Variants in OTOP1 observed in about 807,000 individuals in gnomAD.
OTOP1 encodes the protein otopetrin 1.
In OTOP1, 59 loss-of-function variants were observed where a neutral mutation model predicts 52.9. The ratio of observed to expected loss-of-function variants is 1.12; its 90% CI spans 0.91 to 1.39. The LOEUF is 1.39. OTOP1 is among the 40% of genes most tolerant of loss of function. The pLI, the probability that OTOP1 is intolerant of heterozygous loss-of-function variation, is 0.00. For missense variants in OTOP1, 761 were observed against 800.9 expected (o/e 0.95, Z 0.60); for synonymous variants, 317 against 337.7 (o/e 0.94, Z 0.67).
At chr4:4,193,436 C>T (rs566355574) in intron 5 of OTOP1, among the ~76,000 whole-genome samples, 19 of 152,320 alleles carry the variant, frequency 1.2e-4, no homozygotes, top group Middle Eastern at 3.4e-3. Context: ...GTGGAGCCCA[C>T]CCCACCTGGA....
intron 3 of OTOP1, among the ~76,000 whole-genome samples, 187 bp downstream of exon 3, chr4:4,205,885 G>A (rs1716895222): frequency 6.6e-6 from 1 of 152,144 alleles, no homozygotes; most frequent in African/African-American, 2.4e-5. Flanking sequence ...GCTACTTCTG[G>A]ACCTGTCCCA....
intron 1 of OTOP1, among the ~76,000 whole-genome samples, chr4:4,216,873 G>C (rs994579037): frequency 6.6e-6 from 1 of 152,194 alleles, no homozygotes; most frequent in Non-Finnish European, 1.5e-5. Context: ...GTCCACAGCA[G>C]TGGTTCTCAA....
rs569631806 is a variant in OTOP1, at chr4:4,207,160, C to G, written c.541-1030G>C. On this transcript the variant is annotated intron_variant, in intron 2 of 5. Coordinates refer to ENST00000296358, the MANE Select transcript of OTOP1 (RefSeq NM_177998.3). ...ACTGTCTTACTCAGGAATACACATT[C>G]AGGGCATTAACTGTCTTGAAACAAC... is the stretch of plus-strand genomic sequence containing the variant. 4.6e-5 allele frequency among the ~76,000 whole-genome samples: 7 copies of G among 151,824 alleles called. No individual in the cohort carries two copies. In the South Asian group the frequency reaches 8.4e-4, roughly 18 times the overall value.
intron 5 of OTOP1, among the ~76,000 whole-genome samples, chr4:4,193,845 C>T (rs899132455): frequency 6.6e-6 from 1 of 152,114 alleles, no homozygotes; most frequent in African/African-American, 2.4e-5. Flanking sequence ...ACCCAGTGGT[C>T]AACCAAAAAG....
At chr4:4,217,948 T>C (rs1717186090) in intron 1 of OTOP1, among the ~76,000 whole-genome samples, 1 of 152,036 alleles carries the variant, frequency 6.6e-6, no homozygotes, top group African/African-American at 2.4e-5. Flanking sequence ...CAGATGGAGA[T>C]AGATAATTAG....
At chr4:4,215,019 T>C (rs1717109396) in intron 1 of OTOP1, among the ~76,000 whole-genome samples, 1 of 152,324 alleles carries the variant, frequency 6.6e-6, no homozygotes, top group East Asian at 1.9e-4. Flanking sequence ...TGGTGGCTCA[T>C]GCCTGTAATC....
At chr4:4,218,253 G>A (rs1006489808) in intron 1 of OTOP1, among the ~76,000 whole-genome samples, 9 of 151,738 alleles carry the variant, frequency 5.9e-5, no homozygotes, top group Admixed American at 4.6e-4. Flanking sequence ...TTAGTCAGGT[G>A]TGGTGGCAAG....
intron 5 of OTOP1, among the ~76,000 whole-genome samples, chr4:4,190,012 CTTTGT>C (rs1716468201): frequency 6.6e-6 from 1 of 152,188 alleles, no homozygotes; most frequent in African/African-American, 2.4e-5. Context: ...CATAAATGTA[CTTTGT>C]TTTAAGTTGC....
chr4:4,218,662 T>C (rs1717204148), intron 1 of OTOP1, among the ~76,000 whole-genome samples: 1 of 152,114 alleles, frequency 6.6e-6, no homozygotes, highest in African/African-American at 2.4e-5. Context: ...GCACGGTGAC[T>C]CACACCTATA....
chr4:4,208,928 A>T (rs113991488), intron 2 of OTOP1, among the ~76,000 whole-genome samples: 1 of 152,226 alleles, frequency 6.6e-6, no homozygotes, highest in East Asian at 1.9e-4. Context: ...CTGTTATTAG[A>T]AAAGAGAAAT....
chr4:4,199,573 C>T (rs973419809), intron 4 of OTOP1, among the ~76,000 whole-genome samples: 1 of 152,102 alleles, frequency 6.6e-6, no homozygotes, highest in African/African-American at 2.4e-5. Flanking sequence ...CCACCACGCC[C>T]GGCTAATTTT....
chr4:4,213,142 A>T, intron 1 of OTOP1, 138 bp from the exon 2 acceptor site: 2 of 1,111,160 alleles, frequency 1.8e-6, no homozygotes, highest in South Asian at 3.5e-5. Context: ...TGCCGAGACC[A>T]TTCAATGGGA....
chr4:4,226,836 G>A lies in OTOP1; in HGVS notation c.29C>T (p.Ser10Leu). The change falls in exon 1 of 6, where the codon TCG becomes TTG. Residue 10 changes from serine to leucine, a missense_variant. Ser to Leu is a moderately radical substitution (Grantham distance 145, BLOSUM62 -2). Coordinates refer to ENST00000296358, the MANE Select transcript of OTOP1 (RefSeq NM_177998.3). MLEGLGSPA[S>L]PRAAASASVA... ...CGAGGCGCTTGCAGCTGCCCGGGGC[G>A]AGGCGGGCGACCCCAGGCCCTCGAG... is the stretch of plus-strand genomic sequence containing the variant. 1 of 1,347,626 alleles carries A rather than the reference G, an allele frequency of 7.4e-7. No homozygotes were observed. 83.5% of individuals were successfully genotyped at this position (1,347,626 alleles called of 1,614,324 possible).
chr4:4,198,118 T>C lies in OTOP1; in HGVS notation c.731-15A>G, dbSNP rs1577176353. ...GTCATCTAAAACTAGGGGAGACAGGTAGATCACACAGGAGGGCGATTAGCA... is the reference window on the plus strand; with the variant it reads ...GTCATCTAAAACTAGGGGAGACAGGCAGATCACACAGGAGGGCGATTAGCA... On this transcript the variant is annotated splice_polypyrimidine_tract_variant and intron_variant, in intron 4 of 5. Coordinates refer to ENST00000296358, the MANE Select transcript of OTOP1 (RefSeq NM_177998.3). The C allele has an allele frequency of 1.3e-6, 2 of 1,595,540 alleles. No individual in the cohort carries two copies. The highest frequency in any genetic ancestry group is 8.6e-7 in the Non-Finnish European group (1 of 1,163,682).
At chr4:4,208,799 T>C (rs1288480682) in intron 2 of OTOP1, among the ~76,000 whole-genome samples, 2 of 149,788 alleles carry the variant, frequency 1.3e-5, no homozygotes, top group South Asian at 2.1e-4. Context: ...AAAAAGACAC[T>C]AGAAAAAATT....
At chr4:4,198,946 T>C (rs1368299895) in intron 4 of OTOP1, among the ~76,000 whole-genome samples, 1 of 152,202 alleles carries the variant, frequency 6.6e-6, no homozygotes, top group African/African-American at 2.4e-5. Flanking sequence ...ATCCCAGCAC[T>C]TTGGGAGGCC....
At chr4:4,196,140 A>G (rs1046480891) in intron 5 of OTOP1, among the ~76,000 whole-genome samples, 1 of 152,190 alleles carries the variant, frequency 6.6e-6, no homozygotes, top group Admixed American at 6.5e-5. Context: ...TGTATTATGG[A>G]CGGTACAGTG....
intron 1 of OTOP1, among the ~76,000 whole-genome samples, chr4:4,219,792 TGTATAA>T (rs1371276157): frequency 1.3e-5 from 2 of 149,216 alleles, no homozygotes; most frequent in Admixed American, 1.3e-4. Flanking sequence ...CACATATATA[TGTATAA>T]ATATATATAC....
At chr4:4,195,202 CAT>C (rs1560204813) in intron 5 of OTOP1, among the ~76,000 whole-genome samples, 4 of 152,360 alleles carry the variant, frequency 2.6e-5, no homozygotes, top group African/African-American at 7.2e-5. Flanking sequence ...CTGCTTAACA[CAT>C]GTGGAATTTA....
Sources: allele counts gnomAD v4.1 joint callset (sites outside exome capture counted in the v4.1 genomes callset), GRCh38; gene constraint gnomAD v4.1.1; transcripts MANE v1.5; gene names NCBI Gene and HGNC (gene_info 2026-07-23, HGNC 2026-07-21).